The following MYO5B variants were observed in gnomAD, a reference collection of about 807,000 sequenced individuals.
MYO5B encodes the protein unconventional myosin-Vb.
MYO5B carries 143 observed loss-of-function variants against 229.3 expected under a neutral mutation model. The observed-to-expected ratio is 0.62, with a 90% CI of 0.54 to 0.72. The LOEUF (loss-of-function observed/expected upper bound fraction) is 0.72, where lower values mean the gene tolerates loss of function less well. MYO5B is among the 30% of genes least tolerant of loss of function. The pLI is 0.00. For synonymous variants in MYO5B, 918 were observed against 885.2 expected, an observed-to-expected ratio of 1.04 and a Z score of -0.66; for missense variants, 2,321 against 2,331.0, an observed-to-expected ratio of 1.00 and a Z score of 0.09.
chr18:49,968,738 G>A (rs1275031743), intron 10 of MYO5B, among the ~76,000 whole-genome samples: 3 of 152,204 alleles, frequency 2.0e-5, no homozygotes, highest in East Asian at 3.9e-4. Context: ...CTCTTGGTGG[G>A]CTCTTGTTAC....
Position 50,055,937 on chromosome 18 carries a change from G to A in MYO5B, c.28-559C>T, listed in dbSNP as rs141638718. Among the ~76,000 whole-genome samples the A allele has an allele frequency of 2.4e-3, 360 of 151,908 alleles. 1 individual carries two copies. The highest frequency in any genetic ancestry group is 8.0e-3 in the African/African-American group (331 of 41,474). ...ATCTGTCCACTCTTTTTCTTTTTTC[G>A]GATGGGGTCTCACTCTGTTACCCAG... On this transcript the variant is annotated intron_variant, in intron 1 of 39. Coordinates refer to ENST00000285039, the MANE Select transcript of MYO5B (RefSeq NM_001080467.3).
At chr18:49,998,962 C>G (rs1432700542) in intron 5 of MYO5B, among the ~76,000 whole-genome samples, 1 of 152,174 alleles carries the variant, frequency 6.6e-6, no homozygotes, top group East Asian at 1.9e-4. Context: ...CCAAATGCCA[C>G]TAAACTGTAC....
chr18:49,888,544 T>C (rs559514935), intron 22 of MYO5B, among the ~76,000 whole-genome samples: 121 of 152,292 alleles, frequency 7.9e-4, no homozygotes, highest in Middle Eastern at 3.4e-3. Flanking sequence ...TGAAGAGTTC[T>C]ACGTTGCCAA....
chr18:50,067,758 G>A (rs904610471), intron 1 of MYO5B, among the ~76,000 whole-genome samples: 7 of 152,206 alleles, frequency 4.6e-5, no homozygotes, highest in Non-Finnish European at 8.8e-5. Flanking sequence ...GGCCCTCTCT[G>A]GAAGCATTTA....
chr18:50,077,514 C>A (rs867095518), intron 1 of MYO5B, among the ~76,000 whole-genome samples: 1 of 122,408 alleles, frequency 8.2e-6, no homozygotes, highest in African/African-American at 4.6e-5. Flanking sequence ...CACACACACA[C>A]ACACACACAC....
chr18:50,121,187 T>A (rs1234175618), intron 1 of MYO5B, among the ~76,000 whole-genome samples: 1 of 152,182 alleles, frequency 6.6e-6, no homozygotes, highest in Non-Finnish European at 1.5e-5. Flanking sequence ...TTCCCTGAAC[T>A]CCTGCAGTAG....
chr18:49,962,982 A>C lies in MYO5B; in HGVS notation c.1371T>G (p.Tyr457Ter). The C allele has an allele frequency of 6.2e-7, 1 of 1,614,130 alleles. No homozygotes were observed. Among genetic ancestry groups the C allele is most frequent in the Non-Finnish European group, 8.5e-7 (1 of 1,179,998 alleles). ...VNSFEQFCINYANEKLQQQFN... is the reference protein window; with the variant it reads ...VNSFEQFCIN The stretch of plus-strand genomic sequence containing the variant: ...ACTGCTGCTGGAGCTTTTCATTTGC[A>C]TAGTTGATACAGAACTGCTCAAAGC... The change falls in exon 11 of 40, where the codon TAT (tyrosine) becomes TAG (stop). Residue 457 changes from tyrosine (Y) to a stop codon, truncating the protein, a stop_gained. Transcript: ENST00000285039. LOFTEE classifies it high-confidence loss of function.
At chr18:50,077,502 A>AAACAC (rs2031114571) in intron 1 of MYO5B, among the ~76,000 whole-genome samples, 1 of 133,518 alleles carries the variant, frequency 7.5e-6, no homozygotes, top group African/African-American at 2.7e-5. Context: ...CACACACACA[A>AAACAC]ACACACACAC....
chr18:50,072,931 C>T (rs970196795), intron 1 of MYO5B, among the ~76,000 whole-genome samples: 1 of 152,098 alleles, frequency 6.6e-6, no homozygotes, highest in African/African-American at 2.4e-5. Context: ...AAGGAAAGGG[C>T]CCAACTAGGC....
intron 5 of MYO5B, among the ~76,000 whole-genome samples, chr18:49,995,311 A>G (rs934606372): frequency 2.7e-5 from 4 of 150,250 alleles, no homozygotes; most frequent in Admixed American, 2.6e-4. Flanking sequence ...CTAGAGTGCA[A>G]TGGTGTGATC....
At chr18:50,063,758 A>G (rs572987288) in intron 1 of MYO5B, 1 of 152,366 alleles carries the variant, frequency 6.6e-6, no homozygotes, top group Non-Finnish European at 1.5e-5. Flanking sequence ...GTCTCTTCAG[A>G]AAAGAGTCAA....
At chr18:50,136,076 C>G (rs2032329921) in intron 1 of MYO5B, among the ~76,000 whole-genome samples, 2 of 152,206 alleles carry the variant, frequency 1.3e-5, no homozygotes, top group African/African-American at 2.4e-5. Flanking sequence ...AGCATTCTTC[C>G]ACGGTATCAC....
chr18:50,048,028 T>C (rs1185097396), intron 2 of MYO5B, among the ~76,000 whole-genome samples: 2 of 151,490 alleles, frequency 1.3e-5, no homozygotes, highest in Non-Finnish European at 2.9e-5. Flanking sequence ...ACATGGCACA[T>C]GTATACATAT....
At position 49,962,339 on chromosome 18, in the gene MYO5B, T is replaced by C. The variant is rs1309243723; in HGVS notation, c.1472A>G (p.Tyr491Cys). The C allele has an allele frequency of 1.2e-6, 2 of 1,614,226 alleles. No homozygotes were observed. Among genetic ancestry groups the C allele is most frequent in the Non-Finnish European group, 1.7e-6 (2 of 1,180,024 alleles). ...EQIPWTLIDF[Y>C]DNQPCIDLIE... ...GAGGTCGATACAAGGTTGGTTATCA[T>C]AAAAATCAATCAGGGTCCAAGGGAT... is the stretch of plus-strand genomic sequence containing the variant. Residue 491 changes from tyrosine (Y) to cysteine (C), a missense_variant, in exon 12 of 40, where the codon TAT becomes TGT. Transcript: ENST00000285039.
rs199963863 is a variant in MYO5B at position 49,906,610 on chromosome 18, A to C, written c.2223T>G (p.Phe741Leu). The change falls in exon 19 of 40, where the codon TTT becomes TTG. Residue 741 changes from phenylalanine (F) to leucine (L), a missense_variant. Transcript: ENST00000285039. ...NLIKDPDKFQ[F>L]GRTKIFFRAG... ...CTCGAAAGAAGATCTTGGTGCGGCCAAACTGGAACTTGTCGGGGTCCTTTA... is the reference window on the plus strand; with the variant it reads ...CTCGAAAGAAGATCTTGGTGCGGCCCAACTGGAACTTGTCGGGGTCCTTTA... 2.3e-5 allele frequency: 37 copies of C among 1,613,876 alleles called. No homozygotes were observed. The highest frequency in any genetic ancestry group is 1.7e-5 in the Admixed American group (1 of 60,000).
chr18:49,853,678 G>GT, intron 30 of MYO5B, 31 bp from the exon 31 acceptor site: 1 of 1,601,776 alleles, frequency 6.2e-7, no homozygotes, highest in Non-Finnish European at 8.5e-7. Flanking sequence ...GTGAGCACGT[G>GT]GCCCAGGCCA....
chr18:49,920,464 T>C (rs190729643), intron 17 of MYO5B, among the ~76,000 whole-genome samples: 2 of 152,298 alleles, frequency 1.3e-5, no homozygotes, highest in African/African-American at 2.4e-5. Flanking sequence ...AAACACTCCA[T>C]GTTTGCCTTT....
chr18:49,960,927 C>T (rs1031240476), intron 12 of MYO5B, among the ~76,000 whole-genome samples: 6 of 152,174 alleles, frequency 3.9e-5, no homozygotes, highest in Admixed American at 2.6e-4. Context: ...GAGTACTGGC[C>T]CCAGGGAGCC....
Position 49,836,786 on chromosome 18 carries a change from G to A in MYO5B, c.5238C>T (p.Leu1746=), listed in dbSNP as rs761679079. The A allele has an allele frequency of 6.2e-6, 10 of 1,614,074 alleles. No homozygotes were observed. The highest frequency in any genetic ancestry group is 1.3e-5 in the African/African-American group (1 of 74,906). The change falls in exon 38 of 40, where the codon CTC becomes CTT. Residue 1746 remains leucine, a synonymous_variant. Transcript: ENST00000285039. Reference sequence around the variant, plus strand: ...CCTGGGTTTTCTTCTTTAATTGCAGGAGCTGGGCTGCTTGGATCAGAGGTT... The same window carrying A: ...CCTGGGTTTTCTTCTTTAATTGCAGAAGCTGGGCTGCTTGGATCAGAGGTT... The part of the protein sequence containing the change: ...TMEPLIQAAQ[L]LQLKKKTQED...
Sources: gnomAD v4.1 joint callset for allele counts (sites outside exome capture counted in the v4.1 genomes callset) on GRCh38, gnomAD v4.1.1 for gene constraint, MANE v1.5 for transcripts, NCBI Gene and HGNC (gene_info 2026-07-23, HGNC 2026-07-21) for gene names.